ST8SIA1: variants seen among roughly 807,000 people sequenced by gnomAD.
The protein encoded by ST8SIA1 is ST8 alpha-N-acetyl-neuraminide alpha-2,8-sialyltransferase 1.
Under a neutral mutation model 35.9 loss-of-function variants are expected in ST8SIA1, and 16 were observed. That is an observed-to-expected ratio of 0.45 (90% CI 0.30 to 0.68). The LOEUF is 0.68. Among genes scored for constraint, ST8SIA1 ranks in the 30% least tolerant of loss-of-function variants. The pLI is 0.09. For synonymous variants in ST8SIA1, 170 were observed against 169.6 expected, an observed-to-expected ratio of 1.00 and a Z score of -0.02; for missense variants, 383 against 453.6, an observed-to-expected ratio of 0.84 and a Z score of 1.41.
chr12:22,306,072 A>C (rs930744727), intron 1 of ST8SIA1, among the ~76,000 whole-genome samples: 4 of 152,168 alleles, frequency 2.6e-5, no homozygotes, highest in Admixed American at 2.6e-4. Flanking sequence ...CAGTTAGGTC[A>C]TATCTTTTTC....
intron 1 of ST8SIA1, among the ~76,000 whole-genome samples, chr12:22,301,037 T>C (rs1221264140): frequency 6.6e-6 from 1 of 152,142 alleles, no homozygotes; most frequent in Admixed American, 6.6e-5. Flanking sequence ...ACATTTTCAG[T>C]AATAATTATA....
intron 4 of ST8SIA1, among the ~76,000 whole-genome samples, chr12:22,210,353 G>A (rs1274041347): frequency 2.0e-5 from 3 of 152,104 alleles, no homozygotes; most frequent in South Asian, 2.1e-4. Context: ...TGGAGGTAGT[G>A]GTAAGGGTCT....
intron 4 of ST8SIA1, among the ~76,000 whole-genome samples, chr12:22,218,091 A>AG (rs1470354366): frequency 6.6e-6 from 1 of 152,202 alleles, no homozygotes; most frequent in Non-Finnish European, 1.5e-5. Flanking sequence ...TGGGAGTCTG[A>AG]GGGGGGCAGA....
In ST8SIA1 at chr12:22,199,852, C is replaced by A. The variant is rs1219186319; in HGVS notation, c.*1700G>T. 3 of 152,034 alleles carry A rather than the reference C, an allele frequency of 2.0e-5. No homozygotes were observed. Among genetic ancestry groups the A allele is most frequent in the Admixed American group, 6.6e-5 (1 of 15,250 alleles). The allele number at this position is 152,034 out of a possible 1,614,324, so 9.4% of individuals were successfully genotyped here. A position where few individuals can be genotyped will look rare whatever the true frequency, so the allele number is the denominator to read the frequency against. Reference sequence around the variant, plus strand: ...ACTAGAACTTTTTGGTACAGTTTACCTACAATTTAGTGACATTTAAAATAA... The same window carrying A: ...ACTAGAACTTTTTGGTACAGTTTACATACAATTTAGTGACATTTAAAATAA... On this transcript the variant is annotated 3_prime_UTR_variant, in exon 5 of 5. Transcript: ENST00000396037.
At chr12:22,253,672 C>T (rs981559092) in intron 3 of ST8SIA1, among the ~76,000 whole-genome samples, 1 of 152,190 alleles carries the variant, frequency 6.6e-6, no homozygotes, top group African/African-American at 2.4e-5. Context: ...GCAGGTGTTG[C>T]ATTGACTGGA....
At position 22,334,508 on chromosome 12, in the gene ST8SIA1, G is replaced by A. The variant is rs1271623319; in HGVS notation, c.-276C>T. ...GTCGCTTCCCCTGCAGAAGGCGGGC[G>A]CTGGGGTCTCCGAGTGCGCAGAGAG... On this transcript the variant is annotated 5_prime_UTR_variant, in exon 1 of 5. Transcript: ENST00000396037. 8 of 511,698 alleles carry A rather than the reference G, an allele frequency of 1.6e-5. No homozygotes were observed. The highest frequency in any genetic ancestry group is 1.2e-4 in the African/African-American group (6 of 51,908). 31.7% of individuals were successfully genotyped at this position (511,698 alleles called of 1,614,324 possible). A position where few individuals can be genotyped will look rare whatever the true frequency, so the allele number is the denominator to read the frequency against.
chr12:22,196,007 T>C lies in ST8SIA1; in HGVS notation c.*5545A>G, dbSNP rs765454771. 2 of 152,172 alleles carry C rather than the reference T, an allele frequency of 1.3e-5. No individual in the cohort carries two copies. The highest frequency in any genetic ancestry group is 2.9e-5 in the Non-Finnish European group (2 of 68,024). The allele number at this position is 152,172 out of a possible 1,614,324, so 9.4% of individuals were successfully genotyped here. On this transcript the variant is annotated 3_prime_UTR_variant, in exon 5 of 5. Coordinates refer to ENST00000396037, the MANE Select transcript of ST8SIA1 (RefSeq NM_003034.4). The stretch of plus-strand genomic sequence containing the variant: ...ATATTTGGATATTATTCTATAAAAT[T>C]CTCAGACAGCTTGGCATCATTGATT...
intron 4 of ST8SIA1, among the ~76,000 whole-genome samples, chr12:22,205,670 C>A (rs1865098668): frequency 6.6e-6 from 1 of 152,014 alleles, no homozygotes; most frequent in Non-Finnish European, 1.5e-5. Flanking sequence ...ACAATCCTAG[C>A]ACTTTAGGCA....
intron 1 of ST8SIA1, among the ~76,000 whole-genome samples, chr12:22,326,589 A>T (rs1866684491): frequency 2.0e-5 from 3 of 152,212 alleles, no homozygotes; most frequent in South Asian, 2.1e-4. Flanking sequence ...CCAGGATTAG[A>T]TCCTTATCTC....
intron 1 of ST8SIA1, among the ~76,000 whole-genome samples, chr12:22,323,906 T>C (rs1866638280): frequency 6.6e-6 from 1 of 152,080 alleles, no homozygotes. Context: ...ATGCTGGGCT[T>C]AATACCTGGG....
chr12:22,225,963 C>T (rs1865352497), intron 4 of ST8SIA1, among the ~76,000 whole-genome samples: 1 of 152,146 alleles, frequency 6.6e-6, no homozygotes, highest in African/African-American at 2.4e-5. Context: ...GCTTTCTTCC[C>T]CACCCCAGAG....
chr12:22,307,143 A>G (rs1866395396), intron 1 of ST8SIA1, among the ~76,000 whole-genome samples: 2 of 152,042 alleles, frequency 1.3e-5, no homozygotes, highest in African/African-American at 4.8e-5. Context: ...GAGGCTTTCT[A>G]GAAATATTTA....
chr12:22,288,353 T>C (rs1432514632), intron 1 of ST8SIA1, among the ~76,000 whole-genome samples: 2 of 152,204 alleles, frequency 1.3e-5, no homozygotes, highest in Non-Finnish European at 2.9e-5. Context: ...ACTCCATGAC[T>C]GGGCAAAGAG....
chr12:22,275,030 G>T (rs537336792), intron 2 of ST8SIA1, among the ~76,000 whole-genome samples: 38 of 152,262 alleles, frequency 2.5e-4, no homozygotes, highest in African/African-American at 8.9e-4. Context: ...TTGGGGGGGA[G>T]AAAATAGATT....
intron 1 of ST8SIA1, among the ~76,000 whole-genome samples, chr12:22,292,981 G>A (rs1866197605): frequency 6.6e-6 from 1 of 152,204 alleles, no homozygotes. Context: ...GCAGAGAATT[G>A]CAATGTGCAT....
chr12:22,257,973 T>C (rs1363177255), intron 2 of ST8SIA1, among the ~76,000 whole-genome samples: 1 of 151,538 alleles, frequency 6.6e-6, no homozygotes, highest in African/African-American at 2.4e-5. Flanking sequence ...TCATAAGAGA[T>C]TTTGGTGACT....
At chr12:22,323,826 T>G (rs1866637111) in intron 1 of ST8SIA1, among the ~76,000 whole-genome samples, 2 of 152,040 alleles carry the variant, frequency 1.3e-5, no homozygotes, top group African/African-American at 4.8e-5. Context: ...GGACACATTG[T>G]GGGGAACAAC....
intron 2 of ST8SIA1, among the ~76,000 whole-genome samples, chr12:22,263,660 T>C: frequency 6.6e-6 from 1 of 152,198 alleles, no homozygotes. Flanking sequence ...CTTGTTTGTG[T>C]GTTTATTTGC....
At chr12:22,299,974 C>T (rs922220049) in intron 1 of ST8SIA1, among the ~76,000 whole-genome samples, 4 of 152,010 alleles carry the variant, frequency 2.6e-5, no homozygotes, top group Non-Finnish European at 5.9e-5. Flanking sequence ...TTTTCTTTTG[C>T]CTTTTGGTAA....
Sources: allele counts gnomAD v4.1 joint callset (sites outside exome capture counted in the v4.1 genomes callset), GRCh38; gene constraint gnomAD v4.1.1; transcripts MANE v1.5; gene names NCBI Gene and HGNC (gene_info 2026-07-23, HGNC 2026-07-21).